CNTN5: variants seen among roughly 807,000 people sequenced by gnomAD.
The protein encoded by CNTN5 is contactin 5, also known as contactin-5.
Under a neutral mutation model 129.1 loss-of-function variants are expected in CNTN5, and 77 were observed. That is an observed-to-expected ratio of 0.60 (90% CI 0.50 to 0.72). CNTN5 has a LOEUF of 0.72. Ranked by LOEUF, CNTN5 falls within the 30% of genes least tolerant of loss-of-function variation. The probability of loss-of-function intolerance (pLI) is 0.00; values close to 1 mark genes in which losing one functional copy is unlikely to be tolerated. For missense variants in CNTN5, 1,478 were observed against 1,328.8 expected (o/e 1.11, Z -1.75); for synonymous variants, 509 against 465.6 (o/e 1.09, Z -1.20).
At chr11:100,307,285 G>C (rs1435627972) in intron 20 of CNTN5, among the ~76,000 whole-genome samples, 1 of 151,546 alleles carries the variant, frequency 6.6e-6, no homozygotes, top group African/African-American at 2.4e-5. Context: ...GTGATAAAGG[G>C]TTAGTACCAA....
At chr11:99,364,838 G>A (rs1407965112) in intron 2 of CNTN5, among the ~76,000 whole-genome samples, 1 of 152,048 alleles carries the variant, frequency 6.6e-6, no homozygotes, top group African/African-American at 2.4e-5. Flanking sequence ...TTTATACTTT[G>A]AGGAATTTCT....
intron 2 of CNTN5, among the ~76,000 whole-genome samples, chr11:99,472,928 C>CT (rs1219249216): frequency 2.6e-5 from 4 of 152,168 alleles, no homozygotes; most frequent in African/African-American, 9.7e-5. Context: ...AATTGAGCTT[C>CT]TTGATAGCTT....
At chr11:99,600,246 C>G (rs1950272496) in intron 3 of CNTN5, among the ~76,000 whole-genome samples, 1 of 150,498 alleles carries the variant, frequency 6.6e-6, no homozygotes, top group African/African-American at 2.4e-5. Context: ...AAGAAAAAAA[C>G]TGACATGTAA....
intron 3 of CNTN5, among the ~76,000 whole-genome samples, chr11:99,748,052 T>A (rs1018703090): frequency 1.3e-5 from 2 of 152,158 alleles, no homozygotes; most frequent in African/African-American, 2.4e-5. Flanking sequence ...GCATCCCAGG[T>A]CTAAATCCCA....
intron 1 of CNTN5, among the ~76,000 whole-genome samples, chr11:99,083,269 T>A (rs1865880698): frequency 6.6e-6 from 1 of 152,180 alleles, no homozygotes; most frequent in South Asian, 2.1e-4. Context: ...TTTCCTTTTT[T>A]AAATTCTTTC....
chr11:99,772,106 C>T (rs951340812), intron 3 of CNTN5, among the ~76,000 whole-genome samples: 15 of 150,544 alleles, frequency 1.0e-4, no homozygotes, highest in African/African-American at 2.7e-4. Context: ...AGTGCTCTTT[C>T]TGAAGAATCA....
rs145465028 is a variant in CNTN5, at chr11:99,972,597, C to A, written c.877+15588C>A. On this transcript the variant is annotated intron_variant, in intron 8 of 24. Coordinates refer to ENST00000524871, the MANE Select transcript of CNTN5 (RefSeq NM_014361.4). The stretch of plus-strand genomic sequence containing the variant: ...AACCACACCCAGCTAGCAGACTATG[C>A]AATGTCTCTTAGAGTGTTCAGTGAC... 1.1e-3 allele frequency among the ~76,000 whole-genome samples: 168 copies of A among 152,288 alleles called. 1 individual carries two copies. The highest frequency in any genetic ancestry group is 3.4e-3 in the Middle Eastern group (1 of 294).
chr11:100,127,001 C>G (rs957640083), intron 13 of CNTN5, among the ~76,000 whole-genome samples: 1 of 151,600 alleles, frequency 6.6e-6, no homozygotes, highest in Non-Finnish European at 1.5e-5. Context: ...GTTATTGCAG[C>G]CTTGACTTTT....
intron 1 of CNTN5, among the ~76,000 whole-genome samples, chr11:99,095,192 A>T (rs1866418630): frequency 6.6e-6 from 1 of 151,966 alleles, no homozygotes; most frequent in African/African-American, 2.4e-5. Context: ...ATCAGATATG[A>T]TTGATGCAAA....
At chr11:99,314,587 G>T (rs1297036503) in intron 1 of CNTN5, among the ~76,000 whole-genome samples, 1 of 152,030 alleles carries the variant, frequency 6.6e-6, no homozygotes, top group Non-Finnish European at 1.5e-5. Context: ...GAAACCACCG[G>T]ATTGAAAGGA....
chr11:99,038,472 A>G (rs754068853), intron 1 of CNTN5, among the ~76,000 whole-genome samples: 12 of 152,096 alleles, frequency 7.9e-5, no homozygotes, highest in Non-Finnish European at 1.6e-4. Flanking sequence ...TAAACTATAC[A>G]TTCCTGTTAA....
chr11:99,644,488 A>G (rs886468608), intron 3 of CNTN5, among the ~76,000 whole-genome samples: 27 of 152,204 alleles, frequency 1.8e-4, no homozygotes, highest in Non-Finnish European at 2.4e-4. Context: ...TCCTATCTAT[A>G]GGATTTCAAA....
intron 6 of CNTN5, among the ~76,000 whole-genome samples, chr11:99,895,222 C>G (rs1949174661): frequency 6.6e-6 from 1 of 152,174 alleles, no homozygotes; most frequent in African/African-American, 2.4e-5. Flanking sequence ...TCCAGCAGAG[C>G]TGTCCTAGAT....
intron 3 of CNTN5, among the ~76,000 whole-genome samples, chr11:99,702,072 G>T (rs1339190449): frequency 6.6e-6 from 1 of 150,852 alleles, no homozygotes; most frequent in African/African-American, 2.4e-5. Flanking sequence ...AAGTTATATA[G>T]TTATTAATAG....
At chr11:99,637,603 T>C (rs961816732) in intron 3 of CNTN5, among the ~76,000 whole-genome samples, 1 of 152,108 alleles carries the variant, frequency 6.6e-6, no homozygotes, top group Admixed American at 6.5e-5. Flanking sequence ...TAGTAGGAAA[T>C]GGGCATTTCT....
intron 1 of CNTN5, among the ~76,000 whole-genome samples, chr11:99,046,267 G>A (rs925916376): frequency 6.6e-6 from 1 of 152,248 alleles, no homozygotes; most frequent in African/African-American, 2.4e-5. Flanking sequence ...TTGAACCCAG[G>A]AGGTGGAGGT....
chr11:99,669,732 A>G lies in CNTN5; in HGVS notation c.55+113463A>G, dbSNP rs549407662. On this transcript the variant is annotated intron_variant, in intron 3 of 24. Transcript: ENST00000524871. ...ATATCTGGTCTCTCTTATCTTACCC[A>G]GTTCTAGAATTCCGTGATTCTGATC... Among the ~76,000 whole-genome samples the G allele has an allele frequency of 1.4e-4, 22 of 152,252 alleles. No homozygotes were observed. In the East Asian group the frequency reaches 4.1e-3, roughly 28 times the overall value.
chr11:99,620,211 AAGC>A (rs1950896990), intron 3 of CNTN5, among the ~76,000 whole-genome samples: 1 of 152,064 alleles, frequency 6.6e-6, no homozygotes, highest in East Asian at 1.9e-4. Flanking sequence ...TTTCAGCGTT[AAGC>A]TTGTCCTCAA....
chr11:99,072,677 G>A (rs929548514), intron 1 of CNTN5, among the ~76,000 whole-genome samples: 1 of 151,996 alleles, frequency 6.6e-6, no homozygotes, highest in Non-Finnish European at 1.5e-5. Flanking sequence ...TATGCTTACT[G>A]AATCTTTTTT....
Sources: gnomAD v4.1 joint callset for allele counts (sites outside exome capture counted in the v4.1 genomes callset) on GRCh38, gnomAD v4.1.1 for gene constraint, MANE v1.5 for transcripts, NCBI Gene and HGNC (gene_info 2026-07-23, HGNC 2026-07-21) for gene names.